Variants in TRNT1 observed in about 807,000 individuals in gnomAD.
TRNT1 encodes the protein CCA tRNA nucleotidyltransferase 1, mitochondrial.
Under a neutral mutation model 45.6 loss-of-function variants are expected in TRNT1, and 44 were observed. The observed-to-expected ratio is 0.97, with a 90% CI of 0.76 to 1.24. TRNT1 has a LOEUF of 1.24. Ranked by LOEUF, TRNT1 falls within the 50% of genes most tolerant of loss-of-function variation. TRNT1 has a pLI of 0.00. For synonymous variants in TRNT1, 201 were observed against 171.4 expected (o/e 1.17, Z -1.35); for missense variants, 633 against 504.4 (o/e 1.25, Z -2.44).
downstream of TRNT1, chr3:3,149,158 G>A (rs1476657761): frequency 6.6e-6 from 1 of 152,036 alleles, no homozygotes; most frequent in Non-Finnish European, 1.5e-5. Context: ...AAACAATTTT[G>A]TAGAGTGTAA....
At position 3,129,820 on chromosome 3, in the gene TRNT1, T is replaced by C. The variant is rs958659215; in HGVS notation, c.148+632T>C. The stretch of plus-strand genomic sequence containing the variant: ...TGTTAGGCATGTGAAGTGCTTTGCC[T>C]GTGTTTCTGTAACTACTAACTAGAG... On this transcript the variant is annotated intron_variant, in intron 2 of 7. Coordinates refer to ENST00000251607, the MANE Select transcript of TRNT1 (RefSeq NM_182916.3). 4.6e-6 allele frequency: 7 copies of C among 1,520,376 alleles called. No individual in the cohort carries two copies. In the African/African-American group the frequency reaches 9.7e-5, roughly 21 times the overall value. The allele number at this position is 1,520,376 out of a possible 1,614,324, so 94.2% of individuals were successfully genotyped here.
At chr3:3,132,705 TAAAAA>T (rs1370164275) in intron 2 of TRNT1, among the ~76,000 whole-genome samples, 93 of 39,658 alleles carry the variant, frequency 2.3e-3, no homozygotes, top group African/African-American at 7.6e-3. Context: ...ATTAAAAAAA[TAAAAA>T]AAAACATATA....
chr3:3,130,952 T>C (rs144814551), intron 2 of TRNT1, among the ~76,000 whole-genome samples: 11 of 152,000 alleles, frequency 7.2e-5, no homozygotes, highest in African/African-American at 2.7e-4. Context: ...CATACTGATA[T>C]GTGTCTGTAG....
At chr3:3,135,034 AAAAAG>A (rs1705240468) in intron 2 of TRNT1, among the ~76,000 whole-genome samples, 2 of 152,006 alleles carry the variant, frequency 1.3e-5, no homozygotes, top group African/African-American at 4.8e-5. Flanking sequence ...AGTAATTAAA[AAAAAG>A]AGAGAATAGA....
At chr3:3,152,688 G>A (rs1373633342), downstream of TRNT1, 1 of 1,389,776 alleles carries the variant, frequency 7.2e-7, no homozygotes, top group Non-Finnish European at 1.0e-6. Context: ...TGAGGTATGA[G>A]CTATACAGTT....
downstream of TRNT1, chr3:3,149,981 A>C (rs182636108): frequency 1.3e-5 from 2 of 152,178 alleles, no homozygotes; most frequent in African/African-American, 4.8e-5. Context: ...TTATGAGTAG[A>C]TATTTTACAT....
intron 4 of TRNT1, among the ~76,000 whole-genome samples, chr3:3,142,418 A>G (rs1241854705): frequency 6.6e-6 from 1 of 152,222 alleles, no homozygotes; most frequent in African/African-American, 2.4e-5. Context: ...CACAGCTTGT[A>G]AAGTGTAGGA....
downstream of TRNT1, chr3:3,149,483 A>C (rs1706321951): frequency 6.6e-6 from 1 of 152,084 alleles, no homozygotes; most frequent in Non-Finnish European, 1.5e-5. Flanking sequence ...ACATACTGAA[A>C]TTTTAACTTT....
downstream of TRNT1, among the ~76,000 whole-genome samples, chr3:3,151,891 T>C (rs1199375142): frequency 6.6e-6 from 1 of 152,220 alleles, no homozygotes; most frequent in African/African-American, 2.4e-5. Flanking sequence ...CTTCTTAGTC[T>C]ATCATTGCTT....
chr3:3,132,906 TC>T (rs992361285), intron 2 of TRNT1, among the ~76,000 whole-genome samples: 9 of 152,248 alleles, frequency 5.9e-5, no homozygotes, highest in South Asian at 4.1e-4. Flanking sequence ...GTTGACTTTT[TC>T]TAGGCTACTG....
chr3:3,129,067 CAGGCCAGTGCTGAACCGT>C lies in TRNT1; in HGVS notation c.31_48del (p.Pro11_Arg16del). 1 of 1,612,178 alleles carries C rather than the reference CAGGCCAGTGCTGAACCGT, an allele frequency of 6.2e-7. No homozygotes were observed. Among genetic ancestry groups the C allele is most frequent in the South Asian group, 1.1e-5 (1 of 90,736 alleles). ...TGCTGAGGTGCCTGTATCATTGGCA[CAGGCCAGTGCTGAACCGT>C]AGGTGGAGTAGGCTGTGCCTTCCGA... On this transcript the variant is annotated inframe_deletion, in exon 2 of 8. Coordinates refer to ENST00000251607, the MANE Select transcript of TRNT1 (RefSeq NM_182916.3).
chr3:3,148,229 G>C lies in TRNT1; in HGVS notation c.*75G>C. The C allele has an allele frequency of 1.3e-6, 2 of 1,516,364 alleles. No individual in the cohort carries two copies. Among genetic ancestry groups the C allele is most frequent in the Admixed American group, 1.9e-5 (1 of 51,790 alleles). 93.9% of individuals were successfully genotyped at this position (1,516,364 alleles called of 1,614,324 possible). A position where few individuals can be genotyped will look rare whatever the true frequency, so the allele number is the denominator to read the frequency against. ...TCCCCTCCCTCTTAATGAGGTTTTA[G>C]AGACTACACCAGAATAAAAGACAGT... On this transcript the variant is annotated 3_prime_UTR_variant, in exon 8 of 8. Transcript: ENST00000251607.
At position 3,148,258 on chromosome 3, in the gene TRNT1, G is replaced by A. The variant is rs1327118291; in HGVS notation, c.*104G>A. The A allele has an allele frequency of 7.9e-7, 1 of 1,265,522 alleles. No individual in the cohort carries two copies. The highest frequency in any genetic ancestry group is 1.1e-6 in the Non-Finnish European group (1 of 913,294). 78.4% of individuals were successfully genotyped at this position (1,265,522 alleles called of 1,614,324 possible). On this transcript the variant is annotated 3_prime_UTR_variant, in exon 8 of 8. Transcript: ENST00000251607. ...CTACACCAGAATAAAAGACAGTTTA[G>A]GGGACCTCTGTAGAACAACAAGGGT...
In TRNT1 at chr3:3,146,143, C is replaced by T. The variant is rs140476716; in HGVS notation, c.609-287C>T. ...TGCATTTGATGACCATTCGGAATGT[C>T]TTGAGTCAGTAATTTGGAAGTGAGG... On this transcript the variant is annotated intron_variant, in intron 5 of 7. Transcript: ENST00000251607. Among the ~76,000 whole-genome samples the T allele has an allele frequency of 2.0e-5, 3 of 150,432 alleles. No homozygotes were observed. In the East Asian group the frequency reaches 5.8e-4, roughly 29 times the overall value.
rs1575066937 is a variant in TRNT1, at chr3:3,147,580, G to A, written c.933G>A (p.Leu311=). 1 of 1,613,940 alleles carries A rather than the reference G, an allele frequency of 6.2e-7. No individual in the cohort carries two copies. Among genetic ancestry groups the A allele is most frequent in the African/African-American group, 1.3e-5 (1 of 75,036 alleles). Residue 311 remains leucine (L), a synonymous_variant, in exon 7 of 8, where the codon TTG becomes TTA. Transcript: ENST00000251607. ...KVQDDVTKLD[L]RLKIAKEEKN... Reference sequence around the variant, plus strand: ...AAGATGATGTCACAAAATTGGATTTGAGGTTGAAGATCGCAAAAGAGGAGA... The same window carrying A: ...AAGATGATGTCACAAAATTGGATTTAAGGTTGAAGATCGCAAAAGAGGAGA...
intron 2 of TRNT1, among the ~76,000 whole-genome samples, chr3:3,132,561 T>C (rs1287147786): frequency 2.6e-5 from 2 of 77,278 alleles, no homozygotes; most frequent in African/African-American, 5.2e-5. Flanking sequence ...AGGGATAGCA[T>C]TGGGAGATAT....
chr3:3,132,545 G>C (rs1327850433), intron 2 of TRNT1, among the ~76,000 whole-genome samples: 7 of 72,922 alleles, frequency 9.6e-5, no homozygotes, highest in Admixed American at 9.0e-4. Flanking sequence ...GGTCGGGGGA[G>C]GGGGGAGGGA....
At chr3:3,152,617 G>A (rs1431797291), downstream of TRNT1, 13 of 1,613,464 alleles carry the variant, frequency 8.1e-6, no homozygotes, top group East Asian at 4.5e-5. Context: ...TGGAGAACAC[G>A]TCAAAACGAG....
chr3:3,149,733 C>CTAT (rs1559235879), downstream of TRNT1: 1 of 152,136 alleles, frequency 6.6e-6, no homozygotes, highest in Non-Finnish European at 1.5e-5. Flanking sequence ...TTCATTTACT[C>CTAT]TATTTACATA....
Sources: allele counts gnomAD v4.1 joint callset (sites outside exome capture counted in the v4.1 genomes callset), GRCh38; gene constraint gnomAD v4.1.1; transcripts MANE v1.5; gene names NCBI Gene and HGNC (gene_info 2026-07-23, HGNC 2026-07-21).